The following ATRNL1 variants were observed in gnomAD, a reference collection of about 807,000 sequenced individuals.
ATRNL1 encodes the protein attractin like 1, also known as attractin-like protein 1.
Under a neutral mutation model 182.7 loss-of-function variants are expected in ATRNL1, and 95 were observed. That is an observed-to-expected ratio of 0.52 (90% CI 0.44 to 0.62). ATRNL1 has a LOEUF of 0.62. Ranked by LOEUF, ATRNL1 falls within the 20% of genes least tolerant of loss-of-function variation. ATRNL1 has a pLI of 0.00. For synonymous variants in ATRNL1, 576 were observed against 568.3 expected, an observed-to-expected ratio of 1.01 and a Z score of -0.19; for missense variants, 1,471 against 1,679.5, an observed-to-expected ratio of 0.88 and a Z score of 2.17.
chr10:115,366,707 A>G (rs1857062565), intron 19 of ATRNL1, among the ~76,000 whole-genome samples: 2 of 151,678 alleles, frequency 1.3e-5, no homozygotes, highest in South Asian at 4.2e-4. Flanking sequence ...CTTTTAGGGC[A>G]GGCCTGGTGG....
intron 27 of ATRNL1, among the ~76,000 whole-genome samples, chr10:115,748,171 A>G (rs552308956): frequency 2.0e-5 from 3 of 151,962 alleles, no homozygotes; most frequent in South Asian, 2.1e-4. Context: ...ATGTACTGCT[A>G]TTGCTTTTCT....
At chr10:115,385,496 C>T (rs1224725553) in intron 19 of ATRNL1, among the ~76,000 whole-genome samples, 1 of 152,164 alleles carries the variant, frequency 6.6e-6, no homozygotes, top group East Asian at 1.9e-4. Context: ...GCGAATATTT[C>T]CCTCAGCCTA....
chr10:115,674,956 T>A (rs781978518), intron 26 of ATRNL1, among the ~76,000 whole-genome samples: 6 of 152,136 alleles, frequency 3.9e-5, no homozygotes, highest in Non-Finnish European at 8.8e-5. Flanking sequence ...TATGATACAT[T>A]TCTCTCCTAA....
At chr10:115,761,074 A>G (rs1347172213) in intron 27 of ATRNL1, among the ~76,000 whole-genome samples, 3 of 151,522 alleles carry the variant, frequency 2.0e-5, no homozygotes, top group African/African-American at 7.3e-5. Context: ...GACCTATTTG[A>G]GGTAGCGTTT....
intron 21 of ATRNL1, among the ~76,000 whole-genome samples, chr10:115,459,283 C>T (rs782815609): frequency 7.9e-5 from 12 of 152,150 alleles, no homozygotes; most frequent in East Asian, 1.9e-4. Flanking sequence ...TCAGGGAATA[C>T]GAGAGATAAC....
intron 27 of ATRNL1, among the ~76,000 whole-genome samples, chr10:115,788,546 A>G (rs2134205815): frequency 6.6e-6 from 1 of 152,330 alleles, no homozygotes; most frequent in South Asian, 2.1e-4. Flanking sequence ...TTGAAGGTCT[A>G]ATTAGCCAAT....
chr10:115,350,464 A>T (rs973943952), intron 19 of ATRNL1, among the ~76,000 whole-genome samples: 4 of 149,970 alleles, frequency 2.7e-5, no homozygotes, highest in African/African-American at 9.8e-5. Flanking sequence ...CTTGAGAGTT[A>T]GGGGGTCTAG....
intron 27 of ATRNL1, among the ~76,000 whole-genome samples, chr10:115,805,435 C>T (rs1949898229): frequency 6.6e-6 from 1 of 152,076 alleles, no homozygotes; most frequent in African/African-American, 2.4e-5. Context: ...TTTCATAAAC[C>T]CGTAAAATAA....
chr10:115,631,413 T>C (rs966433416), intron 26 of ATRNL1, among the ~76,000 whole-genome samples: 23 of 152,048 alleles, frequency 1.5e-4, no homozygotes, highest in African/African-American at 5.6e-4. Flanking sequence ...CCTTAAGATA[T>C]TACACATGCT....
chr10:115,812,901 C>G (rs374201082), intron 27 of ATRNL1, among the ~76,000 whole-genome samples: 2 of 152,040 alleles, frequency 1.3e-5, no homozygotes, highest in African/African-American at 4.8e-5. Context: ...TCCCTACTTT[C>G]GCTTCACTGT....
chr10:115,529,706 G>T (rs530041353), intron 25 of ATRNL1, among the ~76,000 whole-genome samples: 11 of 151,976 alleles, frequency 7.2e-5, no homozygotes, highest in East Asian at 1.9e-4. Context: ...ACTTATCATT[G>T]TCTAATTTTT....
chr10:115,229,830 T>C (rs1849849554), intron 9 of ATRNL1, among the ~76,000 whole-genome samples: 1 of 152,256 alleles, frequency 6.6e-6, no homozygotes, highest in South Asian at 2.1e-4. Flanking sequence ...TAGTTCTCTT[T>C]TATAAATTGG....
intron 26 of ATRNL1, among the ~76,000 whole-genome samples, chr10:115,561,047 AACTCTTAGAAGAAAAT>A (rs1480953994): frequency 2.6e-5 from 4 of 152,202 alleles, no homozygotes; most frequent in Non-Finnish European, 5.9e-5. Context: ...TAAACTATAA[AACTCTTAGAAGAAAAT>A]ACAGAAGAAA....
chr10:115,111,373 G>A (rs570961358), intron 1 of ATRNL1, among the ~76,000 whole-genome samples: 18 of 152,274 alleles, frequency 1.2e-4, no homozygotes, highest in African/African-American at 3.1e-4. Flanking sequence ...AATACTTGAC[G>A]CTGGATAATG....
chr10:115,910,794 A>T (rs1326186361), intron 28 of ATRNL1, among the ~76,000 whole-genome samples: 1 of 152,186 alleles, frequency 6.6e-6, no homozygotes. Flanking sequence ...AAGAAATGAG[A>T]GTAACCCTCT....
intron 27 of ATRNL1, among the ~76,000 whole-genome samples, chr10:115,841,345 G>A (rs1464583483): frequency 6.6e-6 from 1 of 152,062 alleles, no homozygotes; most frequent in Non-Finnish European, 1.5e-5. Context: ...AATCTAGATA[G>A]TATACTATAA....
intron 28 of ATRNL1, chr10:115,909,293 G>C (rs370029234): frequency 6.6e-6 from 1 of 152,186 alleles, no homozygotes; most frequent in Middle Eastern, 3.4e-3. Flanking sequence ...CTCTGTATGC[G>C]TCAGTTTCTT....
At chr10:115,802,802 A>G (rs1199713363) in intron 27 of ATRNL1, among the ~76,000 whole-genome samples, 1 of 152,192 alleles carries the variant, frequency 6.6e-6, no homozygotes, top group East Asian at 1.9e-4. Flanking sequence ...CTAATCCATA[A>G]ATCAGCAAAT....
At chr10:115,278,432 G>A (rs187578033) in intron 13 of ATRNL1, among the ~76,000 whole-genome samples, 31 of 152,326 alleles carry the variant, frequency 2.0e-4, no homozygotes, top group Admixed American at 1.2e-3. Context: ...TGAGCAGGAA[G>A]TATTTTTAGA....
Sources: allele counts gnomAD v4.1 joint callset (sites outside exome capture counted in the v4.1 genomes callset), GRCh38; gene constraint gnomAD v4.1.1; transcripts MANE v1.5; gene names NCBI Gene and HGNC (gene_info 2026-07-23, HGNC 2026-07-21).